STPG2: variants seen among roughly 807,000 people sequenced by gnomAD.
STPG2 encodes the protein sperm-tail PG-rich repeat-containing protein 2.
In STPG2, 56 loss-of-function variants were observed where a neutral mutation model predicts 54.2. That is an observed-to-expected ratio of 1.03 (90% CI 0.83 to 1.29). The LOEUF is 1.29. Among genes scored for constraint, STPG2 ranks in the 50% most tolerant of loss-of-function variants. STPG2 has a pLI of 0.00. For synonymous variants in STPG2, 200 were observed against 181.8 expected (o/e 1.10, Z -0.81); for missense variants, 596 against 544.9 (o/e 1.09, Z -0.93).
chr4:98,054,256 A>T (rs1737415750), intron 5 of STPG2, among the ~76,000 whole-genome samples: 1 of 152,246 alleles, frequency 6.6e-6, no homozygotes, highest in South Asian at 2.1e-4. Context: ...GCATAACCCC[A>T]TGCAGCAGGG....
chr4:97,715,193 T>A (rs1245414246), intron 9 of STPG2, among the ~76,000 whole-genome samples: 1 of 152,214 alleles, frequency 6.6e-6, no homozygotes, highest in African/African-American at 2.4e-5. Context: ...ATTGCTTATA[T>A]GATACAGGTC....
At chr4:98,108,836 GTAGA>G (rs1739260985) in intron 4 of STPG2, among the ~76,000 whole-genome samples, 1 of 151,998 alleles carries the variant, frequency 6.6e-6, no homozygotes, top group African/African-American at 2.4e-5. Context: ...TGCATATATA[GTAGA>G]TAGCACAAGA....
intron 10 of STPG2, among the ~76,000 whole-genome samples, chr4:97,613,187 A>T (rs1203379135): frequency 1.3e-5 from 2 of 152,040 alleles, no homozygotes; most frequent in Non-Finnish European, 2.9e-5. Flanking sequence ...TCTAATCCAG[A>T]ATATAACAGT....
chr4:97,985,605 T>A (rs1419190048), intron 5 of STPG2, among the ~76,000 whole-genome samples: 1 of 152,178 alleles, frequency 6.6e-6, no homozygotes, highest in Non-Finnish European at 1.5e-5. Context: ...TTTTTCTATC[T>A]TAATCACTTA....
intron 8 of STPG2, among the ~76,000 whole-genome samples, chr4:97,868,889 T>C (rs1729884585): frequency 6.6e-6 from 1 of 151,950 alleles, no homozygotes; most frequent in Admixed American, 6.6e-5. Context: ...TTACATTTTT[T>C]GTTATAATTT....
intron 10 of STPG2, 130 bp downstream of exon 10, chr4:97,712,569 G>T: frequency 1.8e-6 from 1 of 541,794 alleles, no homozygotes; most frequent in South Asian, 8.2e-5. Context: ...AATCTCCTTA[G>T]TCAAAATATT....
chr4:97,612,494 T>C (rs1733756451), intron 10 of STPG2, among the ~76,000 whole-genome samples: 1 of 152,116 alleles, frequency 6.6e-6, no homozygotes, highest in Non-Finnish European at 1.5e-5. Flanking sequence ...TAAACAGTTC[T>C]AAATCTTTGG....
At chr4:97,485,462 CT>C (rs1730330375) in intron 4 of STPG2, among the ~76,000 whole-genome samples, 1 of 151,394 alleles carries the variant, frequency 6.6e-6, no homozygotes, top group African/African-American at 2.4e-5. Context: ...TTTACAATAG[CT>C]GCAAAAAACA....
intron 8 of STPG2, among the ~76,000 whole-genome samples, chr4:97,847,935 T>A (rs1423756737): frequency 6.6e-6 from 1 of 152,220 alleles, no homozygotes; most frequent in Non-Finnish European, 1.5e-5. Context: ...GATCCTGGCA[T>A]GAGCTCCAAA....
At chr4:97,978,425 C>T (rs1025399926) in intron 6 of STPG2, among the ~76,000 whole-genome samples, 1 of 152,104 alleles carries the variant, frequency 6.6e-6, no homozygotes, top group Non-Finnish European at 1.5e-5. Context: ...AACCAAATAC[C>T]ACATGTTTGC....
At chr4:97,710,140 C>T (rs556201161) in intron 10 of STPG2, among the ~76,000 whole-genome samples, 1 of 151,948 alleles carries the variant, frequency 6.6e-6, no homozygotes, top group South Asian at 2.1e-4. Context: ...AGTATACACA[C>T]ATTTTCTCCC....
intron 7 of STPG2, among the ~76,000 whole-genome samples, chr4:97,949,924 T>A (rs905336165): frequency 6.6e-6 from 1 of 152,186 alleles, no homozygotes; most frequent in Admixed American, 6.6e-5. Flanking sequence ...ACATGAGTTC[T>A]TTGACTTTCT....
chr4:97,884,864 C>A (rs1381337516), intron 8 of STPG2, among the ~76,000 whole-genome samples: 1 of 152,046 alleles, frequency 6.6e-6, no homozygotes, highest in Non-Finnish European at 1.5e-5. Flanking sequence ...TTCTGACCTA[C>A]CTTTTCCTTC....
At chr4:97,648,802 G>A (rs559836741) in intron 10 of STPG2, among the ~76,000 whole-genome samples, 3 of 152,178 alleles carry the variant, frequency 2.0e-5, no homozygotes, top group African/African-American at 7.2e-5. Flanking sequence ...CCTTGTTATT[G>A]TAGTTGTATT....
chr4:97,460,145 G>A (rs906745981), intron 4 of STPG2, among the ~76,000 whole-genome samples: 2 of 152,078 alleles, frequency 1.3e-5, no homozygotes, highest in African/African-American at 4.8e-5. Flanking sequence ...CCCCCCACTA[G>A]TACAACCACC....
intron 9 of STPG2, among the ~76,000 whole-genome samples, chr4:97,737,086 A>C (rs552672523): frequency 1.3e-5 from 2 of 152,170 alleles, no homozygotes; most frequent in Non-Finnish European, 2.9e-5. Context: ...CCGCTGCTGG[A>C]ACCCAGGCAA....
intron 10 of STPG2, among the ~76,000 whole-genome samples, chr4:97,652,066 G>C (rs1041828859): frequency 1.3e-5 from 2 of 151,788 alleles, no homozygotes; most frequent in African/African-American, 4.8e-5. Flanking sequence ...ATCTTAAACA[G>C]ATACTCTGAT....
At chr4:97,682,603 T>G (rs1437399421) in intron 10 of STPG2, among the ~76,000 whole-genome samples, 1 of 151,816 alleles carries the variant, frequency 6.6e-6, no homozygotes, top group African/African-American at 2.4e-5. Flanking sequence ...CAGCTAACAT[T>G]TACTGTAATA....
intron 9 of STPG2, among the ~76,000 whole-genome samples, chr4:97,783,289 G>A (rs931837820): frequency 5.3e-5 from 8 of 152,278 alleles, no homozygotes; most frequent in Admixed American, 4.6e-4. Flanking sequence ...ACTTCTCAAA[G>A]AAGACATTTA....
Sources: allele counts gnomAD v4.1 joint callset (sites outside exome capture counted in the v4.1 genomes callset), GRCh38; gene constraint gnomAD v4.1.1; transcripts MANE v1.5; gene names NCBI Gene and HGNC (gene_info 2026-07-23, HGNC 2026-07-21).